The following DAXX variants were observed in gnomAD, a reference collection of about 807,000 sequenced individuals.
DAXX encodes death domain-associated protein 6.
Under a neutral mutation model 61.9 loss-of-function variants are expected in DAXX, and 24 were observed. The observed-to-expected ratio is 0.39, with a 90% CI of 0.28 to 0.55. DAXX has a LOEUF of 0.55. DAXX is among the 20% of genes least tolerant of loss of function. The pLI, the probability that DAXX is intolerant of heterozygous loss-of-function variation, is 0.69. For synonymous variants in DAXX, 357 were observed against 369.5 expected (o/e 0.97, Z 0.39); for missense variants, 819 against 935.3 (o/e 0.88, Z 1.62).
Position 33,319,719 on chromosome 6 carries a change from G to A in DAXX, c.1601C>T (p.Ser534Leu). Residue 534 changes from serine (S) to leucine (L), a missense_variant, in exon 6 of 8, where the codon TCA (serine) becomes TTA (leucine). By Grantham distance (145) the Ser-to-Leu change is moderately radical. Coordinates refer to ENST00000374542, the MANE Select transcript of DAXX (RefSeq NM_001141969.2). ...GCTGGAGGGGGCCAGGGGTTCTTCT[G>A]ACAGTAACGATGGTGACACTATGCG... ...KGRIVSPSLL[S>L]EEPLAPSSID... 1 of 1,614,240 alleles carries A rather than the reference G, an allele frequency of 6.2e-7. No homozygotes were observed. Among genetic ancestry groups the A allele is most frequent in the Non-Finnish European group, 8.5e-7 (1 of 1,180,040 alleles).
Position 33,319,757 on chromosome 6 carries a change from C to G in DAXX, c.1563G>C (p.Gln521His). ...GKQISRSSGEQQNKGRIVSPS... is the reference protein window; with the variant it reads ...GKQISRSSGEHQNKGRIVSPS... ...GTGACACTATGCGTCCTTTGTTTTG[C>G]TGCTCCCCTGAAGATCTGCTGATCT... Residue 521 changes from glutamine to histidine, a missense_variant, in exon 6 of 8, where the codon CAG becomes CAC. Gln to His is a conservative substitution (Grantham distance 24, BLOSUM62 0). Coordinates refer to ENST00000374542, the MANE Select transcript of DAXX (RefSeq NM_001141969.2). 1.2e-6 allele frequency: 2 copies of G among 1,614,222 alleles called. No homozygotes were observed. The highest frequency in any genetic ancestry group is 1.7e-6 in the Non-Finnish European group (2 of 1,180,046).
rs1770285414 is a variant in DAXX at position 33,319,674 on chromosome 6, C to G, written c.1646G>C (p.Gly549Ala). The G allele has an allele frequency of 6.2e-7, 1 of 1,613,720 alleles. No individual in the cohort carries two copies. The highest frequency in any genetic ancestry group is 8.5e-7 in the Non-Finnish European group (1 of 1,179,884). The stretch of plus-strand genomic sequence containing the variant: ...CAGGGTCAGCTCCTCAGGCTGTTCT[C>G]CATTGCTTTCAGCATCTATGCTGGA... ...APSSIDAESN[G>A]EQPEELTLEE... Residue 549 changes from glycine to alanine, a missense_variant, in exon 6 of 8, where the codon GGA (glycine) becomes GCA (alanine). Gly to Ala is a moderately conservative substitution (Grantham distance 60, BLOSUM62 0). Coordinates refer to ENST00000374542, the MANE Select transcript of DAXX (RefSeq NM_001141969.2).
rs370738612 is a variant in DAXX at position 33,320,748 on chromosome 6, C to G, written c.1027G>C (p.Asp343His). ...ACCAACCCCCTACCTGGCCTATAGT[C>G]ATCTGTGAGGTGGCAGCCAAAGTTG... ...IYNFGCHLTD[D>H]YRPGVDPALS... The change falls in exon 3 of 8, where the codon GAC becomes CAC. Residue 343 changes from aspartate to histidine, a missense_variant. Physicochemically the swap from Asp to His is moderately conservative, Grantham distance 81 (BLOSUM62 -1). Transcript: ENST00000374542. This position sits in a 1 kb window ranked among gnomAD's most constrained non-coding sequence, Gnocchi z 7.1. The G allele has an allele frequency of 6.2e-7, 1 of 1,614,054 alleles. No individual in the cohort carries two copies. Among genetic ancestry groups the G allele is most frequent in the Non-Finnish European group, 8.5e-7 (1 of 1,179,906 alleles).
chr6:33,319,723 G>T lies in DAXX; in HGVS notation c.1597C>A (p.Leu533Met). ...GAGGGGGCCAGGGGTTCTTCTGACA[G>T]TAACGATGGTGACACTATGCGTCCT... ...NKGRIVSPSL[L>M]SEEPLAPSSI... Residue 533 changes from leucine (L) to methionine (M), a missense_variant, in exon 6 of 8, where the codon CTG becomes ATG. Transcript: ENST00000374542. 6.2e-7 allele frequency: 1 copy of T among 1,614,246 alleles called. No homozygotes were observed.
In DAXX at chr6:33,321,590, G is replaced by A. The variant is rs1217395710; in HGVS notation, c.208-23C>T. On this transcript the variant is annotated intron_variant, in intron 2 of 7. Transcript: ENST00000374542. The surrounding 1 kb of genome is among the most constrained non-coding windows in gnomAD (Gnocchi z 7.2). ...GAACTAGAAGGTTCAGGGGAAGAAG[G>A]AAGGGGAAGAGAGACAAGGGAGGGG... The A allele has an allele frequency of 2.5e-6, 4 of 1,606,310 alleles. No individual in the cohort carries two copies. Among genetic ancestry groups the A allele is most frequent in the East Asian group, 4.5e-5 (2 of 44,692 alleles).
rs1409330187 is a variant in DAXX, at chr6:33,320,280, T to C, written c.1252-56A>G. 6.7e-7 allele frequency: 1 copy of C among 1,501,842 alleles called. No homozygotes were observed. The highest frequency in any genetic ancestry group is 2.3e-5 in the East Asian group (1 of 44,300). The allele number at this position is 1,501,842 out of a possible 1,614,324, so 93.0% of individuals were successfully genotyped here. A position where few individuals can be genotyped will look rare whatever the true frequency, so the allele number is the denominator to read the frequency against. On this transcript the variant is annotated intron_variant, in intron 4 of 7. Transcript: ENST00000374542. This position sits in a 1 kb window ranked among gnomAD's most constrained non-coding sequence, Gnocchi z 7.1. Reference sequence around the variant, plus strand: ...CCCTTGCCCCAGAGGGTTTGGTTCTTGCTTTCCTTCTCATGCTCCCCCATC... The same window carrying C: ...CCCTTGCCCCAGAGGGTTTGGTTCTCGCTTTCCTTCTCATGCTCCCCCATC...
In DAXX at chr6:33,318,625, TA is replaced by T. The variant is rs1554281684; in HGVS notation, c.*117del. 5 of 449,612 alleles carry T rather than the reference TA, an allele frequency of 1.1e-5. No individual in the cohort carries two copies. Among genetic ancestry groups the T allele is most frequent in the Non-Finnish European group, 1.2e-5 (3 of 247,930 alleles). 27.9% of individuals were successfully genotyped at this position (449,612 alleles called of 1,614,324 possible). ...TAAAACTTAAGCTTTTTTTTTTTTT[TA>T]AAGAAACACCACCAAAAGGGGATTA... On this transcript the variant is annotated 3_prime_UTR_variant, in exon 8 of 8. Coordinates refer to ENST00000374542, the MANE Select transcript of DAXX (RefSeq NM_001141969.2).
Position 33,321,916 on chromosome 6 carries a change from C to T in DAXX, c.10G>A (p.Ala4Thr), listed in dbSNP as rs1770678421. The change falls in exon 2 of 8, where the codon GCT (alanine) becomes ACT (threonine). Residue 4 changes from alanine to threonine, a missense_variant. Coordinates refer to ENST00000374542, the MANE Select transcript of DAXX (RefSeq NM_001141969.2). This position sits in a 1 kb window ranked among gnomAD's most constrained non-coding sequence, Gnocchi z 7.2. MAT[A>T]NSIIVLDDDD... is the part of the protein sequence containing the mutation. The stretch of plus-strand genomic sequence containing the variant: ...TCATCCAGCACGATGATGCTGTTAG[C>T]GGTGGCCATAGGGGATCAAATCCCC... The T allele has an allele frequency of 1.2e-6, 2 of 1,606,720 alleles. No individual in the cohort carries two copies. Among genetic ancestry groups the T allele is most frequent in the Non-Finnish European group, 1.7e-6 (2 of 1,175,712 alleles).
At chr6:33,319,315 T>C (rs1226004621) in intron 6 of DAXX, 65 bp downstream of exon 6, 3 of 1,570,456 alleles carry the variant, frequency 1.9e-6, no homozygotes, top group Admixed American at 1.8e-5. Context: ...TTCCCCAGTA[T>C]TGCTCTCCGA....
chr6:33,320,389 A>C lies in DAXX; in HGVS notation c.1242T>G (p.Asp414Glu). Reference protein sequence around the residue: ...HSADTPEASLDSGEGPSGMAS... With the variant: ...HSADTPEASLESGEGPSGMAS... ...TGTACCCCATCCACACCTCACCAGA[A>C]TCCAAGGAGGCTTCGGGGGTGTCTG... Residue 414 changes from aspartate (D) to glutamate (E), a missense_variant, in exon 4 of 8, where the codon GAT (aspartate) becomes GAG (glutamate). Physicochemically the swap from Asp to Glu is conservative, Grantham distance 45. Transcript: ENST00000374542. This position sits in a 1 kb window ranked among gnomAD's most constrained non-coding sequence, Gnocchi z 7.1. The C allele has an allele frequency of 6.2e-7, 1 of 1,609,980 alleles. No homozygotes were observed. The highest frequency in any genetic ancestry group is 2.2e-5 in the East Asian group (1 of 44,856).
rs749346133 is a variant in DAXX at position 33,320,111 on chromosome 6, C to CTCT, written c.1362_1364dup (p.Glu457dup). 5.0e-6 allele frequency: 8 copies of CTCT among 1,613,800 alleles called. No individual in the cohort carries two copies. The highest frequency in any genetic ancestry group is 6.8e-6 in the Non-Finnish European group (8 of 1,179,940). On this transcript the variant is annotated inframe_insertion, in exon 5 of 8. Coordinates refer to ENST00000374542, the MANE Select transcript of DAXX (RefSeq NM_001141969.2). This position sits in a 1 kb window ranked among gnomAD's most constrained non-coding sequence, Gnocchi z 7.1. The stretch of plus-strand genomic sequence containing the variant: ...CCTCTTCAGAATCTGTGGCCTCCTC[C>CTCT]TCTTCTTCTTCCTCCTCCTCCTCCT...
Position 33,319,506 on chromosome 6 carries a change from G to C in DAXX, c.1814C>G (p.Ala605Gly), listed in dbSNP as rs780974601. Reference sequence around the variant, plus strand: ...GAAGGAAGTAGAAGAGACCATGCCTGCTCCATTCTCTAAGACAGTGGTGAA... The same window carrying C: ...GAAGGAAGTAGAAGAGACCATGCCTCCTCCATTCTCTAAGACAGTGGTGAA... ...EPFTTVLENGAGMVSSTSFNG... is the reference protein window; with the variant it reads ...EPFTTVLENGGGMVSSTSFNG... Residue 605 changes from alanine (A) to glycine (G), a missense_variant, in exon 6 of 8, where the codon GCA becomes GGA. Physicochemically the swap from Ala to Gly is moderately conservative, Grantham distance 60 (BLOSUM62 0). Transcript: ENST00000374542. 2 of 1,614,000 alleles carry C rather than the reference G, an allele frequency of 1.2e-6. No homozygotes were observed. The highest frequency in any genetic ancestry group is 2.7e-5 in the African/African-American group (2 of 74,906).
At chr6:33,322,558 C>T (rs1770759643) in intron 1 of DAXX, 1 of 243,042 alleles carries the variant, frequency 4.1e-6, no homozygotes. Context: ...CCCAAGTCCC[C>T]TCCCTTTCAC....
chr6:33,318,662 T>A lies in DAXX; in HGVS notation c.*81A>T. The A allele has an allele frequency of 1.6e-6, 1 of 615,650 alleles. No individual in the cohort carries two copies. The allele number at this position is 615,650 out of a possible 1,614,324, so 38.1% of individuals were successfully genotyped here. A position where few individuals can be genotyped will look rare whatever the true frequency, so the allele number is the denominator to read the frequency against. The stretch of plus-strand genomic sequence containing the variant: ...ACCAAAAGGGGATTAGCTTAGTCCA[T>A]CCCTTCCTCAGTCATCTGCTTCCCA... On this transcript the variant is annotated 3_prime_UTR_variant, in exon 8 of 8. Transcript: ENST00000374542.
Position 33,320,433 on chromosome 6 carries a change from C to G in DAXX, c.1198G>C (p.Gly400Arg). The change falls in exon 4 of 8, where the codon GGC becomes CGC. Residue 400 changes from glycine (G) to arginine (R), a missense_variant. Gly to Arg is a moderately radical substitution (Grantham distance 125). Transcript: ENST00000374542. This position sits in a 1 kb window ranked among gnomAD's most constrained non-coding sequence, Gnocchi z 7.1. ...GTGTCTGCAGAGTGGGAAGAGGTGC[C>G]TTGGAGCCGAGCTCTTCTCTTTTTT... ...ERKKRRARLQ[G>R]TSSHSADTPE... 4 of 1,613,948 alleles carry G rather than the reference C, an allele frequency of 2.5e-6. No individual in the cohort carries two copies. The South Asian group carries it at 3.3e-5, about 13-fold the overall frequency.
At position 33,319,571 on chromosome 6, in the gene DAXX, C is replaced by T. The variant is rs932884684; in HGVS notation, c.1749G>A (p.Glu583=). 1.9e-6 allele frequency: 3 copies of T among 1,614,080 alleles called. No homozygotes were observed. In the African/African-American group the frequency reaches 4.0e-5, roughly 22 times the overall value. Residue 583 remains glutamate (E), a synonymous_variant, in exon 6 of 8, where the codon GAG becomes GAA. Coordinates refer to ENST00000374542, the MANE Select transcript of DAXX (RefSeq NM_001141969.2). ...ALPLDTPSSV[E]TDISSSRKQS... Reference sequence around the variant, plus strand: ...GCTTCCTGGAAGAGGAAATGTCCGTCTCCACAGAGGAAGGGGTATCCAGGG... The same window carrying T: ...GCTTCCTGGAAGAGGAAATGTCCGTTTCCACAGAGGAAGGGGTATCCAGGG...
Position 33,318,644 on chromosome 6 carries a change from G to A in DAXX, c.*99C>T, listed in dbSNP as rs1340031790. 2 of 487,050 alleles carry A rather than the reference G, an allele frequency of 4.1e-6. No homozygotes were observed. Among genetic ancestry groups the A allele is most frequent in the East Asian group, 6.2e-5 (2 of 32,154 alleles). The allele number at this position is 487,050 out of a possible 1,614,324, so 30.2% of individuals were successfully genotyped here. ...TTTTTTTAAAGAAACACCACCAAAA[G>A]GGGATTAGCTTAGTCCATCCCTTCC... On this transcript the variant is annotated 3_prime_UTR_variant, in exon 8 of 8. Transcript: ENST00000374542.
chr6:33,320,251 G>A lies in DAXX; in HGVS notation c.1252-27C>T, dbSNP rs777309237. 1.9e-6 allele frequency: 3 copies of A among 1,561,754 alleles called. No individual in the cohort carries two copies. The highest frequency in any genetic ancestry group is 2.7e-5 in the African/African-American group (2 of 73,758). ...TGGGAGACAAAGAAGTTTCTCTAAGGAATCCCTTGCCCCAGAGGGTTTGGT... is the reference window on the plus strand; with the variant it reads ...TGGGAGACAAAGAAGTTTCTCTAAGAAATCCCTTGCCCCAGAGGGTTTGGT... On this transcript the variant is annotated intron_variant, in intron 4 of 7. Coordinates refer to ENST00000374542, the MANE Select transcript of DAXX (RefSeq NM_001141969.2). The surrounding 1 kb of genome is among the most constrained non-coding windows in gnomAD (Gnocchi z 7.1).
At position 33,319,017 on chromosome 6, in the gene DAXX, G is replaced by A. The variant is rs1179243884; in HGVS notation, c.2143C>T (p.Pro715Ser). ...CTTACCTTGCAAGTACCAGGCCGAG[G>A]AGGCTGTGAATGGGGGGTTTGGGAC... ...RLSQTPHSQPPRPGTCKTSVA... is the reference protein window; with the variant it reads ...RLSQTPHSQPSRPGTCKTSVA... The change falls in exon 7 of 8, where the codon CCT becomes TCT. Residue 715 changes from proline to serine, a missense_variant. Coordinates refer to ENST00000374542, the MANE Select transcript of DAXX (RefSeq NM_001141969.2). 2 of 1,613,284 alleles carry A rather than the reference G, an allele frequency of 1.2e-6. No individual in the cohort carries two copies. Among genetic ancestry groups the A allele is most frequent in the South Asian group, 1.1e-5 (1 of 91,062 alleles).
Sources: allele counts gnomAD v4.1 joint callset, GRCh38; gene constraint gnomAD v4.1.1; non-coding constraint Gnocchi (gnomAD v3.1); transcripts MANE v1.5; gene names NCBI Gene and HGNC (gene_info 2026-07-23, HGNC 2026-07-21).